PLPP5: variants seen among roughly 807,000 people sequenced by gnomAD.
PLPP5 encodes the protein diacylglycerol pyrophosphate like 1.
Under a neutral mutation model 23.6 loss-of-function variants are expected in PLPP5, and 29 were observed. The observed-to-expected ratio is 1.23, with a 90% CI of 0.92 to 1.68. PLPP5 has a LOEUF of 1.68. PLPP5 is among the 40% of genes most tolerant of loss of function. The pLI, the probability that PLPP5 is intolerant of heterozygous loss-of-function variation, is 0.00. For synonymous variants in PLPP5, 143 were observed against 131.3 expected (o/e 1.09, Z -0.61); for missense variants, 315 against 332.1 (o/e 0.95, Z 0.40).
intron 2 of PLPP5, 60 bp from the exon 3 acceptor site, chr8:38,268,521 C>T: frequency 6.5e-7 from 1 of 1,541,220 alleles, no homozygotes; most frequent in Non-Finnish European, 8.7e-7. Flanking sequence ...CGTGCTCCTA[C>T]AGGAAAGAGG....
At position 38,267,281 on chromosome 8, in the gene PLPP5, C is replaced by T. The variant is rs371733965; in HGVS notation, c.449G>A (p.Ser150Asn). The T allele has an allele frequency of 1.4e-5, 22 of 1,613,856 alleles. No individual in the cohort carries two copies. The highest frequency in any genetic ancestry group is 1.8e-5 in the Non-Finnish European group (21 of 1,179,900). Residue 150 changes from serine to asparagine, a missense_variant, in exon 5 of 7, where the codon AGT becomes AAT. Transcript: ENST00000424479. ...GATATTCATACAGGAAGAATGTCCA[C>T]TGGGGAAGCTCTTTCGGCCCTCATT... Reference protein sequence around the residue: ...VVNEGRKSFPSGHSSFAFAGL... With the variant: ...VVNEGRKSFPNGHSSFAFAGL...
chr8:38,267,017 G>A lies in PLPP5; in HGVS notation c.463+250C>T, dbSNP rs1807719491. On this transcript the variant is annotated intron_variant, in intron 5 of 6. Transcript: ENST00000424479. ...GTATTTTTATTGCTAGTACAAGATT[G>A]CAGGATCTAGGCAAATAATATAACA... 5 of 1,381,104 alleles carry A rather than the reference G, an allele frequency of 3.6e-6. No homozygotes were observed. The East Asian group carries it at 1.3e-4, about 37-fold the overall frequency. The allele number at this position is 1,381,104 out of a possible 1,614,324, so 85.6% of individuals were successfully genotyped here.
At chr8:38,266,995 T>C (rs1807715561) in intron 5 of PLPP5, 2 of 1,322,890 alleles carry the variant, frequency 1.5e-6, no homozygotes, top group African/African-American at 1.5e-5. Context: ...GTTAAAGGTA[T>C]TTTTATTGCT....
chr8:38,266,067 TCTC>T, intron 6 of PLPP5, 71 bp downstream of exon 6: 1 of 1,386,056 alleles, frequency 7.2e-7, no homozygotes, highest in South Asian at 1.4e-5. Context: ...TTAGTAAGCA[TCTC>T]CTCTGTGCTA....
rs1390165540 is a variant in PLPP5, at chr8:38,268,438, C to T, written c.207G>A (p.Leu69=). ...PMFVIAFLSP[L]SLIFLAKFLK... is the part of the protein sequence containing the mutation. Reference sequence around the variant, plus strand: ...GAAATTTGGCCAGGAAGATCAGAGACAGTGGAGAGAGAAATGCAATAACCT... The same window carrying T: ...GAAATTTGGCCAGGAAGATCAGAGATAGTGGAGAGAGAAATGCAATAACCT... The change falls in exon 3 of 7, where the codon CTG becomes CTA. Residue 69 remains leucine, a synonymous_variant. Coordinates refer to ENST00000424479, the MANE Select transcript of PLPP5 (RefSeq NM_001102559.2). The T allele has an allele frequency of 1.9e-6, 3 of 1,575,076 alleles. No individual in the cohort carries two copies. The highest frequency in any genetic ancestry group is 2.6e-6 in the Non-Finnish European group (3 of 1,160,056).
intron 6 of PLPP5, 56 bp downstream of exon 6, chr8:38,266,085 C>G: frequency 6.5e-7 from 1 of 1,546,728 alleles, no homozygotes; most frequent in Non-Finnish European, 8.9e-7. Flanking sequence ...GTGCTAGGTG[C>G]TAGGAATAAA....
In PLPP5 at chr8:38,266,166, T is replaced by C; in HGVS notation, c.609A>G (p.Thr203=). Residue 203 remains threonine (T), a synonymous_variant, in exon 6 of 7, where the codon ACA becomes ACG. Coordinates refer to ENST00000424479, the MANE Select transcript of PLPP5 (RefSeq NM_001102559.2). ...CTTGCCAGTGATGCTTGTAGTCACA[T>C]GTGCGGGACAGTGCAATCACAGCTG... is the stretch of plus-strand genomic sequence containing the variant. ...LFAAVIALSR[T]CDYKHHWQDV... 1.2e-6 allele frequency: 2 copies of C among 1,613,694 alleles called. No homozygotes were observed. Among genetic ancestry groups the C allele is most frequent in the Non-Finnish European group, 1.7e-6 (2 of 1,179,810 alleles).
At chr8:38,264,749 A>C in intron 6 of PLPP5, 145 bp from the exon 7 acceptor site, 1 of 1,451,174 alleles carries the variant, frequency 6.9e-7, no homozygotes, top group Non-Finnish European at 9.1e-7. Context: ...TTTCTAAATA[A>C]AATCTTTTTA....
chr8:38,269,165 G>A lies in PLPP5; in HGVS notation c.35C>T (p.Ala12Val). ...CAGCGCGAGCCGCACGCCCACTTCGGCCCCAAAGGCCACCGCCGCCGCCGC... is the reference window on the plus strand; with the variant it reads ...CAGCGCGAGCCGCACGCCCACTTCGACCCCAAAGGCCACCGCCGCCGCCGC... ...GKAAAAVAFG[A>V]EVGVRLALFA... is the part of the protein sequence containing the mutation. The change falls in exon 1 of 7, where the codon GCC becomes GTC. Residue 12 changes from alanine to valine, a missense_variant. Physicochemically the swap from Ala to Val is moderately conservative, Grantham distance 64. Transcript: ENST00000424479. 1 of 1,509,488 alleles carries A rather than the reference G, an allele frequency of 6.6e-7. No individual in the cohort carries two copies. The highest frequency in any genetic ancestry group is 2.7e-5 in the East Asian group (1 of 37,230). 93.5% of individuals were successfully genotyped at this position (1,509,488 alleles called of 1,614,324 possible).
At chr8:38,268,057 T>C in intron 3 of PLPP5, 97 bp from the exon 4 acceptor site, 6 of 1,588,434 alleles carry the variant, frequency 3.8e-6, no homozygotes, top group African/African-American at 1.3e-5. Context: ...CTGAGATGGA[T>C]AGAATCCAAC....
chr8:38,268,599 C>T lies in PLPP5; in HGVS notation c.184-138G>A, dbSNP rs1384280240. The T allele has an allele frequency of 2.8e-6, 4 of 1,453,090 alleles. No homozygotes were observed. The African/African-American group carries it at 5.7e-5, about 21-fold the overall frequency. 90.0% of individuals were successfully genotyped at this position (1,453,090 alleles called of 1,614,324 possible). A position where few individuals can be genotyped will look rare whatever the true frequency, so the allele number is the denominator to read the frequency against. On this transcript the variant is annotated intron_variant, in intron 2 of 6. Transcript: ENST00000424479. ...TGAGTGCGCGTAACCGGGCGCCAGG[C>T]AGCGCCACCAGTGAACAGCAGCGCC... is the stretch of plus-strand genomic sequence containing the variant.
Position 38,264,124 on chromosome 8 carries a change from C to G in PLPP5, c.*320G>C. ...CATGGTCCGGTTAGGAGGGCTAGTT[C>G]ACCTGTTCTCTATTGAGATAGATTC... is the stretch of plus-strand genomic sequence containing the variant. On this transcript the variant is annotated 3_prime_UTR_variant, in exon 7 of 7. Transcript: ENST00000424479. 1 of 1,009,934 alleles carries G rather than the reference C, an allele frequency of 9.9e-7. No homozygotes were observed. The highest frequency in any genetic ancestry group is 1.2e-6 in the Non-Finnish European group (1 of 846,082). The allele number at this position is 1,009,934 out of a possible 1,614,324, so 62.6% of individuals were successfully genotyped here. A position where few individuals can be genotyped will look rare whatever the true frequency, so the allele number is the denominator to read the frequency against.
chr8:38,266,021 C>A, intron 6 of PLPP5, 120 bp downstream of exon 6: 3 of 853,884 alleles, frequency 3.5e-6, no homozygotes, highest in Non-Finnish European at 3.6e-6. Flanking sequence ...GAACCCAGAC[C>A]ATCCATACTC....
intron 6 of PLPP5, chr8:38,264,928 C>A (rs776126461): frequency 4.3e-6 from 7 of 1,611,676 alleles, no homozygotes; most frequent in Non-Finnish European, 5.9e-6. Context: ...TTCATCTGCC[C>A]ATTTTCACCA....
chr8:38,264,701 A>G (rs1807311395), intron 6 of PLPP5, 97 bp from the exon 7 acceptor site: 17 of 1,430,336 alleles, frequency 1.2e-5, no homozygotes, highest in Non-Finnish European at 1.5e-5. Flanking sequence ...AGGATACTCT[A>G]CTGTGGGGCT....
intron 6 of PLPP5, 116 bp from the exon 7 acceptor site, chr8:38,264,720 C>G (rs1366712565): frequency 7.0e-7 from 1 of 1,438,004 alleles, no homozygotes; most frequent in African/African-American, 1.4e-5. Flanking sequence ...CTAAAATAAC[C>G]TCAATTCCAG....
At chr8:38,267,846 G>T in intron 4 of PLPP5, 51 bp downstream of exon 4, 2 of 1,553,620 alleles carry the variant, frequency 1.3e-6, no homozygotes, top group South Asian at 1.1e-5. Context: ...TCTCTGTTCT[G>T]GTGGGTAAGG....
rs529867622 is a variant in PLPP5, at chr8:38,268,242, C to A, written c.274+129G>T. 3.7e-6 allele frequency: 4 copies of A among 1,082,012 alleles called. No homozygotes were observed. The African/African-American group carries it at 4.8e-5, about 13-fold the overall frequency. 67.0% of individuals were successfully genotyped at this position (1,082,012 alleles called of 1,614,324 possible). Reference sequence around the variant, plus strand: ...TCCCTGCAGTGCTATTTTCCTCTCCCGCGGGGATAGAGTTCCTTTAGGAAT... The same window carrying A: ...TCCCTGCAGTGCTATTTTCCTCTCCAGCGGGGATAGAGTTCCTTTAGGAAT... On this transcript the variant is annotated intron_variant, in intron 3 of 6. Coordinates refer to ENST00000424479, the MANE Select transcript of PLPP5 (RefSeq NM_001102559.2).
In PLPP5 at chr8:38,268,965, G is replaced by GGAAC; in HGVS notation, c.96_99dup (p.Gln34ValfsTer93). ...ATCTCCTCCGGCTGGATGAGTCTCT[G>GGAAC]GAACGGGGGGAGCAGCTCCGTCACC... On this transcript the variant is annotated frameshift_variant, in exon 2 of 7. Coordinates refer to ENST00000424479, the MANE Select transcript of PLPP5 (RefSeq NM_001102559.2). LOFTEE classifies it high-confidence loss of function. The GGAAC allele has an allele frequency of 6.4e-7, 1 of 1,567,952 alleles. No individual in the cohort carries two copies. The highest frequency in any genetic ancestry group is 8.6e-7 in the Non-Finnish European group (1 of 1,163,006).
Sources: allele counts gnomAD v4.1 joint callset, GRCh38; gene constraint gnomAD v4.1.1; transcripts MANE v1.5; gene names NCBI Gene and HGNC (gene_info 2026-07-23, HGNC 2026-07-21).